Variants in WWOX observed in about 807,000 individuals in gnomAD.
WWOX encodes the protein WW domain-containing oxidoreductase.
In WWOX, 69 loss-of-function variants were observed where a neutral mutation model predicts 46.2. The observed-to-expected ratio is 1.49, with a 90% CI of 1.23 to 1.82. The LOEUF is 1.82. Among genes scored for constraint, WWOX ranks in the 40% most tolerant of loss-of-function variants. The pLI is 0.00. For missense variants in WWOX, 919 were observed against 542.6 expected (o/e 1.69, Z -6.89); for synonymous variants, 359 against 202.6 (o/e 1.77, Z -6.56).
chr16:78,794,077 G>T (rs1244407424), intron 8 of WWOX, among the ~76,000 whole-genome samples: 1 of 152,116 alleles, frequency 6.6e-6, no homozygotes, highest in African/African-American at 2.4e-5. Context: ...GCATTCATTT[G>T]TTAGGAGATG....
intron 8 of WWOX, among the ~76,000 whole-genome samples, chr16:78,931,869 G>C (rs1204374622): frequency 6.6e-6 from 1 of 152,196 alleles, no homozygotes; most frequent in Admixed American, 6.5e-5. Flanking sequence ...AATCGTGGGA[G>C]GTAATTGGAT....
chr16:78,935,286 T>C (rs1458395760), intron 8 of WWOX, among the ~76,000 whole-genome samples: 3 of 152,214 alleles, frequency 2.0e-5, no homozygotes, highest in Non-Finnish European at 4.4e-5. Context: ...ATCATGCTGC[T>C]ATAAAGACAC....
chr16:78,448,919 G>A (rs2083622962), intron 8 of WWOX, among the ~76,000 whole-genome samples: 1 of 152,186 alleles, frequency 6.6e-6, no homozygotes, highest in South Asian at 2.1e-4. Flanking sequence ...TCTTTTTGAA[G>A]TCCTTGGGTC....
chr16:79,074,162 C>T (rs1018782912), intron 8 of WWOX, among the ~76,000 whole-genome samples: 4 of 152,040 alleles, frequency 2.6e-5, no homozygotes, highest in Non-Finnish European at 4.4e-5. Flanking sequence ...GCAGGCAACT[C>T]CGACCCCAAG....
In WWOX at chr16:78,345,708, G is replaced by C. The variant is rs1204956934; in HGVS notation, c.517-41152G>C. Reference sequence around the variant, plus strand: ...GTCCCTTATACAGTTTGTGATATGGGTACACACTCAGTGAAATGGCCATTA... The same window carrying C: ...GTCCCTTATACAGTTTGTGATATGGCTACACACTCAGTGAAATGGCCATTA... On this transcript the variant is annotated intron_variant, in intron 5 of 8. Coordinates refer to ENST00000566780, the MANE Select transcript of WWOX (RefSeq NM_016373.4). Among the ~76,000 whole-genome samples, 2 of 112,864 alleles carry C rather than the reference G, an allele frequency of 1.8e-5. 1 individual carries two copies. The highest frequency in any genetic ancestry group is 4.2e-5 in the Non-Finnish European group (2 of 48,106). 74.0% of individuals were successfully genotyped at this position (112,864 alleles called of 152,430 possible). A position where few individuals can be genotyped will look rare whatever the true frequency, so the allele number is the denominator to read the frequency against.
chr16:78,689,945 C>T (rs1248534750), intron 8 of WWOX, among the ~76,000 whole-genome samples: 4 of 152,128 alleles, frequency 2.6e-5, no homozygotes, highest in African/African-American at 9.7e-5. Context: ...ACTGCAACCT[C>T]TGCCTCGCAG....
chr16:78,996,220 G>C, intron 8 of WWOX: 1 of 984,904 alleles, frequency 1.0e-6, no homozygotes, highest in South Asian at 4.7e-5. Context: ...GAAGACTTGT[G>C]GATAGAAGAA....
chr16:79,156,324 C>G (rs1370011942), intron 8 of WWOX, among the ~76,000 whole-genome samples: 1 of 152,166 alleles, frequency 6.6e-6, no homozygotes. Flanking sequence ...ACACACTTGG[C>G]TAATTTTTGT....
chr16:78,658,148 T>C (rs1412201483), intron 8 of WWOX, among the ~76,000 whole-genome samples: 1 of 152,136 alleles, frequency 6.6e-6, no homozygotes, highest in Non-Finnish European at 1.5e-5. Context: ...AGTCTCAAAA[T>C]ACCAAAAACA....
intron 5 of WWOX, among the ~76,000 whole-genome samples, chr16:78,195,387 C>T (rs950595450): frequency 2.0e-5 from 3 of 152,162 alleles, no homozygotes; most frequent in Non-Finnish European, 4.4e-5. Flanking sequence ...GGCTCACCTC[C>T]TACTGGTTAG....
chr16:78,753,283 G>GACTCCAGCCTGGGCGACAC, intron 8 of WWOX, among the ~76,000 whole-genome samples: 1 of 151,744 alleles, frequency 6.6e-6, no homozygotes, highest in South Asian at 2.1e-4. Context: ...CTGGGCGACA[G>GACTCCAGCCTGGGCGACAC]ACTCCAGCCT....
intron 8 of WWOX, among the ~76,000 whole-genome samples, chr16:78,699,293 G>A (rs2142289602): frequency 6.6e-6 from 1 of 152,212 alleles, no homozygotes. Context: ...TAGCACTTTT[G>A]GAGGCTTATG....
chr16:78,505,032 A>C (rs1261204525), intron 8 of WWOX, among the ~76,000 whole-genome samples: 1 of 152,198 alleles, frequency 6.6e-6, no homozygotes. Flanking sequence ...TGTATTTCAC[A>C]CAGTTCCTTC....
intron 8 of WWOX, among the ~76,000 whole-genome samples, chr16:78,466,984 A>G (rs918931609): frequency 2.6e-5 from 4 of 151,808 alleles, no homozygotes; most frequent in Non-Finnish European, 4.4e-5. Flanking sequence ...ACCGATCCCT[A>G]CCCTGCATGG....
intron 5 of WWOX, among the ~76,000 whole-genome samples, chr16:78,238,858 A>T (rs1383359311): frequency 6.8e-6 from 1 of 147,176 alleles, no homozygotes; most frequent in South Asian, 2.2e-4. Flanking sequence ...ACCTCAGGTG[A>T]TCTGCCCACC....
chr16:78,131,799 C>T lies in WWOX; in HGVS notation c.409+16645C>T, dbSNP rs534538980. 4.0e-5 allele frequency among the ~76,000 whole-genome samples: 6 copies of T among 150,718 alleles called. No individual in the cohort carries two copies. In the East Asian group the frequency reaches 6.0e-4, roughly 15 times the overall value. On this transcript the variant is annotated intron_variant, in intron 4 of 8. Coordinates refer to ENST00000566780, the MANE Select transcript of WWOX (RefSeq NM_016373.4). The stretch of plus-strand genomic sequence containing the variant: ...TGGGGTTTCACCATGTTGGCCAGGA[C>T]GGTGTTGAACTCCTGACCTCGTGAT...
intron 8 of WWOX, among the ~76,000 whole-genome samples, chr16:78,511,057 C>T (rs1223252648): frequency 1.3e-5 from 2 of 152,202 alleles, no homozygotes; most frequent in African/African-American, 4.8e-5. Context: ...GTTCATACTG[C>T]GTGTTTATAG....
At chr16:78,703,301 T>G (rs1244912098) in intron 8 of WWOX, among the ~76,000 whole-genome samples, 1 of 152,162 alleles carries the variant, frequency 6.6e-6, no homozygotes, top group Non-Finnish European at 1.5e-5. Flanking sequence ...CTCCCATCTT[T>G]CCTGTGAAAA....
At chr16:78,547,664 T>C (rs1313288501) in intron 8 of WWOX, among the ~76,000 whole-genome samples, 1 of 152,124 alleles carries the variant, frequency 6.6e-6, no homozygotes, top group Non-Finnish European at 1.5e-5. Context: ...GCTGGCAGAT[T>C]GAGTGTTTGG....
Sources: allele counts gnomAD v4.1 joint callset (sites outside exome capture counted in the v4.1 genomes callset), GRCh38; gene constraint gnomAD v4.1.1; transcripts MANE v1.5; gene names NCBI Gene and HGNC (gene_info 2026-07-23, HGNC 2026-07-21).